Variants in MAF observed in about 807,000 individuals in gnomAD.
The protein encoded by MAF is MAF bZIP transcription factor.
MAF carries 10 observed loss-of-function variants against 22.0 expected under a neutral mutation model. The ratio of observed to expected loss-of-function variants is 0.45; its 90% CI spans 0.28 to 0.77. MAF has a LOEUF of 0.77. Ranked by LOEUF, MAF falls within the 30% of genes least tolerant of loss-of-function variation. The pLI is 0.12. For missense variants in MAF, 544 were observed against 548.4 expected (o/e 0.99, Z 0.08); for synonymous variants, 337 against 255.8 (o/e 1.32, Z -3.03).
At chr16:79,572,070 C>T in the MAF span, among the ~76,000 whole-genome samples, 1 of 152,176 alleles carries the variant, frequency 6.6e-6, no homozygotes, top group Non-Finnish European at 1.5e-5. Flanking sequence ...CTGTCAATGG[C>T]TTAAGGGGAT....
At chr16:79,367,629 A>G in the MAF span, among the ~76,000 whole-genome samples, 1 of 152,228 alleles carries the variant, frequency 6.6e-6, no homozygotes, top group Non-Finnish European at 1.5e-5. Context: ...GCTGTCCAAG[A>G]TGGTAGCTAC....
the MAF span, among the ~76,000 whole-genome samples, chr16:79,558,563 G>A: frequency 5.9e-5 from 9 of 152,040 alleles, no homozygotes; most frequent in African/African-American, 2.2e-4. Flanking sequence ...CAGACTTTTC[G>A]GGAATCAGCT....
chr16:79,330,358 G>A, the MAF span, among the ~76,000 whole-genome samples: 1 of 152,212 alleles, frequency 6.6e-6, no homozygotes, highest in Admixed American at 6.5e-5. Context: ...TGCCAGGAAA[G>A]GCTCTTGCAA....
chr16:79,587,934 G>A (rs2143709439), intron 1 of MAF, among the ~76,000 whole-genome samples: 1 of 151,022 alleles, frequency 6.6e-6, no homozygotes, highest in Non-Finnish European at 1.5e-5. Context: ...CAGTTTCTGT[G>A]TTCATATTAC....
At chr16:79,303,718 G>C in the MAF span, among the ~76,000 whole-genome samples, 1 of 152,190 alleles carries the variant, frequency 6.6e-6, no homozygotes, top group African/African-American at 2.4e-5. Flanking sequence ...CCGTAAGAAA[G>C]AGTGCTATAA....
downstream of MAF, among the ~76,000 whole-genome samples, chr16:79,593,435 G>T (rs898663463): frequency 6.6e-6 from 1 of 152,146 alleles, no homozygotes; most frequent in South Asian, 2.1e-4. Context: ...GTGGCAAGGG[G>T]GTGGTTCTAC....
At chr16:79,433,311 G>GA in the MAF span, among the ~76,000 whole-genome samples, 1 of 147,578 alleles carries the variant, frequency 6.8e-6, no homozygotes, top group Non-Finnish European at 1.5e-5. Flanking sequence ...ACTATGACCA[G>GA]AAAAAAAAGA....
chr16:79,233,563 G>A, the MAF span, among the ~76,000 whole-genome samples: 44 of 152,168 alleles, frequency 2.9e-4, no homozygotes, highest in East Asian at 8.1e-3. Context: ...ATACATCAAT[G>A]GGCTAAGCAC....
At chr16:79,343,788 G>A in the MAF span, among the ~76,000 whole-genome samples, 1 of 152,122 alleles carries the variant, frequency 6.6e-6, no homozygotes, top group Non-Finnish European at 1.5e-5. Context: ...TTTGGCAACA[G>A]GTCTGAAAAT....
chr16:79,208,181 G>A, the MAF span, among the ~76,000 whole-genome samples: 4 of 152,114 alleles, frequency 2.6e-5, no homozygotes, highest in Non-Finnish European at 5.9e-5. Context: ...GTTCTCCTCT[G>A]GCAGCTCACA....
At chr16:79,515,420 C>G in the MAF span, among the ~76,000 whole-genome samples, 5 of 152,150 alleles carry the variant, frequency 3.3e-5, no homozygotes, top group African/African-American at 1.2e-4. Context: ...ACTTTCAGTA[C>G]AGTAGTCAAT....
chr16:79,597,152 C>G (rs1261650316), intron 1 of MAF: 2 of 1,057,048 alleles, frequency 1.9e-6, no homozygotes, highest in Non-Finnish European at 2.3e-6. Context: ...AACTCTACCC[C>G]CCTTAACATC....
At chr16:79,220,415 G>T in the MAF span, among the ~76,000 whole-genome samples, 1 of 151,990 alleles carries the variant, frequency 6.6e-6, no homozygotes, top group Non-Finnish European at 1.5e-5. Flanking sequence ...AAATTTGCAT[G>T]TATCTTGTAG....
At chr16:79,549,613 C>G in the MAF span, among the ~76,000 whole-genome samples, 4 of 152,164 alleles carry the variant, frequency 2.6e-5, no homozygotes, top group African/African-American at 9.7e-5. Context: ...AGTGTGGAAA[C>G]CTCCCTTTCG....
the MAF span, among the ~76,000 whole-genome samples, chr16:79,430,457 T>A: frequency 2.0e-5 from 3 of 152,236 alleles, no homozygotes; most frequent in Non-Finnish European, 4.4e-5. Flanking sequence ...ATTTAGGCTG[T>A]CACTCCGCAG....
At chr16:79,304,170 C>G in the MAF span, among the ~76,000 whole-genome samples, 1 of 152,268 alleles carries the variant, frequency 6.6e-6, no homozygotes, top group African/African-American at 2.4e-5. Context: ...TGGAGTCCAG[C>G]CCACTGGGGA....
At chr16:79,453,820 G>A in the MAF span, among the ~76,000 whole-genome samples, 1 of 152,126 alleles carries the variant, frequency 6.6e-6, no homozygotes, top group Non-Finnish European at 1.5e-5. Flanking sequence ...AATAAAATAG[G>A]TATTCCTTTC....
At chr16:79,481,148 G>C in the MAF span, among the ~76,000 whole-genome samples, 1 of 151,890 alleles carries the variant, frequency 6.6e-6, no homozygotes, top group Non-Finnish European at 1.5e-5. Flanking sequence ...CTTGGCCTCA[G>C]TACACACCTG....
At chr16:79,438,289 T>C in the MAF span, among the ~76,000 whole-genome samples, 1 of 152,210 alleles carries the variant, frequency 6.6e-6, no homozygotes, top group South Asian at 2.1e-4. Context: ...AACTCAGCAG[T>C]GTCAGCCCTG....
Sources: gnomAD v4.1 joint callset for allele counts (sites outside exome capture counted in the v4.1 genomes callset) on GRCh38, gnomAD v4.1.1 for gene constraint, MANE v1.5 for transcripts, NCBI Gene and HGNC (gene_info 2026-07-23, HGNC 2026-07-21) for gene names.